TRMT11: variants seen among roughly 807,000 people sequenced by gnomAD.
TRMT11 encodes the protein tRNA (guanine(10)-N(2))-methyltransferase TRMT11.
In TRMT11, 53 loss-of-function variants were observed where a neutral mutation model predicts 62.8. That is an observed-to-expected ratio of 0.84 (90% CI 0.68 to 1.06). TRMT11 has a LOEUF of 1.06. Among genes scored for constraint, TRMT11 ranks in the 50% least tolerant of loss-of-function variants. The pLI is 0.00. For missense variants in TRMT11, 556 were observed against 553.4 expected, an observed-to-expected ratio of 1.00 and a Z score of -0.05; for synonymous variants, 188 against 190.3, an observed-to-expected ratio of 0.99 and a Z score of 0.10.
intron 17 of TRMT11, among the ~76,000 whole-genome samples, chr6:126,081,705 T>C (rs1307572790): frequency 6.6e-6 from 1 of 152,148 alleles, no homozygotes; most frequent in African/African-American, 2.4e-5. Context: ...TCCCACCTAT[T>C]TACTGAGTTA....
chr6:126,203,685 G>C (rs1452418037), downstream of TRMT11, among the ~76,000 whole-genome samples: 1 of 152,078 alleles, frequency 6.6e-6, no homozygotes, highest in African/African-American at 2.4e-5. Context: ...TGTTATTTGT[G>C]ATAGTCAAAA....
chr6:126,231,022 C>A, the TRMT11 span, among the ~76,000 whole-genome samples: 199 of 152,254 alleles, frequency 1.3e-3, 1 homozygote, highest in African/African-American at 4.6e-3. Flanking sequence ...TTCTACATGA[C>A]TATGTGATCT....
chr6:126,028,577 A>G (rs1056317807), intron 12 of TRMT11, among the ~76,000 whole-genome samples: 9 of 152,126 alleles, frequency 5.9e-5, no homozygotes, highest in Non-Finnish European at 1.3e-4. Flanking sequence ...CATTTGGTCT[A>G]CTTAGTTCCA....
chr6:126,239,690 A>T, the TRMT11 span, among the ~76,000 whole-genome samples: 2 of 151,936 alleles, frequency 1.3e-5, no homozygotes, highest in Non-Finnish European at 2.9e-5. Context: ...TGTGTCTTGG[A>T]GTTGCTCTTC....
chr6:126,172,345 T>C (rs1225734292), upstream of TRMT11, among the ~76,000 whole-genome samples: 1 of 152,188 alleles, frequency 6.6e-6, no homozygotes, highest in Non-Finnish European at 1.5e-5. Context: ...CAAGAAGTTA[T>C]GTGAGCAGAG....
chr6:126,151,910 T>C lies in TRMT11; in HGVS notation c.*1824-22915T>C, dbSNP rs916554296. Among the ~76,000 whole-genome samples the C allele has an allele frequency of 3.5e-3, 268 of 76,824 alleles. 1 individual carries two copies. Among genetic ancestry groups the C allele is most frequent in the African/African-American group, 5.4e-3 (81 of 15,092 alleles). 50.4% of individuals were successfully genotyped at this position (76,824 alleles called of 152,430 possible). On this transcript the variant is annotated intron_variant and NMD_transcript_variant, in intron 21 of 22. Transcript: ENST00000648977. The stretch of plus-strand genomic sequence containing the variant: ...CTTGTCTTTTTCTTTCTTTTCTCTT[T>C]CTTTCTTTCTTTCTTTCTTTCTTTC...
At chr6:126,119,892 A>G (rs1210851282) in intron 21 of TRMT11, among the ~76,000 whole-genome samples, 1 of 152,142 alleles carries the variant, frequency 6.6e-6, no homozygotes, top group Admixed American at 6.5e-5. Context: ...TCACTGGGAC[A>G]TTATTTAAAA....
chr6:126,185,948 A>G (rs1373560051), intron 1 of TRMT11, among the ~76,000 whole-genome samples: 1 of 152,102 alleles, frequency 6.6e-6, no homozygotes, highest in Non-Finnish European at 1.5e-5. Context: ...TGATCCAATC[A>G]TTTCCTGCCA....
intron 17 of TRMT11, among the ~76,000 whole-genome samples, chr6:126,106,414 G>A (rs899456016): frequency 3.3e-5 from 5 of 152,158 alleles, no homozygotes; most frequent in Admixed American, 1.3e-4. Flanking sequence ...CAAAGTGCTA[G>A]GATTACAGGA....
chr6:126,194,511 A>G (rs1357409297), intron 1 of TRMT11, among the ~76,000 whole-genome samples: 1 of 152,156 alleles, frequency 6.6e-6, no homozygotes, highest in African/African-American at 2.4e-5. Context: ...ATACATTAAT[A>G]CAATCTTATT....
chr6:126,054,701 A>G lies in TRMT11; in HGVS notation c.*1437+1511A>G, dbSNP rs138419934. On this transcript the variant is annotated intron_variant and NMD_transcript_variant, in intron 17 of 22. Coordinates refer to the TRMT11 transcript ENST00000648977. ...AAGACAAATGAGCTGTTGAAGTGTC[A>G]TGATTTTAAAATCTGGTGATATACA... Among the ~76,000 whole-genome samples the G allele has an allele frequency of 4.7e-3, 722 of 152,330 alleles. 3 individuals are homozygous for G. Among genetic ancestry groups the G allele is most frequent in the Non-Finnish European group, 6.3e-3 (430 of 68,020 alleles).
intron 17 of TRMT11, among the ~76,000 whole-genome samples, chr6:126,075,815 A>T (rs540212482): frequency 1.3e-5 from 2 of 152,260 alleles, no homozygotes; most frequent in Non-Finnish European, 2.9e-5. Context: ...TTGTCCATCC[A>T]TCTGGACCAT....
At chr6:126,057,431 A>T in intron 17 of TRMT11, among the ~76,000 whole-genome samples, 1 of 152,228 alleles carries the variant, frequency 6.6e-6, no homozygotes, top group East Asian at 1.9e-4. Context: ...TGATTGTATT[A>T]GCTGCCCTAT....
the TRMT11 span, among the ~76,000 whole-genome samples, chr6:126,262,477 A>G: frequency 2.6e-5 from 4 of 152,126 alleles, no homozygotes; most frequent in Non-Finnish European, 5.9e-5. Context: ...TGTGAATGTG[A>G]CAGAATGATC....
the TRMT11 span, among the ~76,000 whole-genome samples, chr6:126,237,902 C>T: frequency 6.6e-6 from 1 of 152,038 alleles, no homozygotes; most frequent in Non-Finnish European, 1.5e-5. Flanking sequence ...TGTTATTGGT[C>T]CATTCAGAGA....
intron 21 of TRMT11, among the ~76,000 whole-genome samples, chr6:126,120,995 A>G (rs889653794): frequency 6.6e-5 from 10 of 151,780 alleles, no homozygotes; most frequent in African/African-American, 2.4e-4. Context: ...TGCATCTTAA[A>G]CCTCTCCTAT....
At chr6:126,202,401 G>A (rs934652018), downstream of TRMT11, among the ~76,000 whole-genome samples, 2 of 152,172 alleles carry the variant, frequency 1.3e-5, no homozygotes, top group African/African-American at 4.8e-5. Flanking sequence ...AGGCTTGCAT[G>A]TGCCTCACAA....
At chr6:126,117,119 G>A (rs969093965) in intron 21 of TRMT11, among the ~76,000 whole-genome samples, 4 of 152,044 alleles carry the variant, frequency 2.6e-5, no homozygotes, top group Non-Finnish European at 5.9e-5. Context: ...GGTTACTTTT[G>A]TACATTTGCT....
At chr6:126,248,285 G>T in the TRMT11 span, among the ~76,000 whole-genome samples, 1 of 152,090 alleles carries the variant, frequency 6.6e-6, no homozygotes, top group African/African-American at 2.4e-5. Context: ...TTAATATATT[G>T]TGTATTGTGA....
Sources: allele counts gnomAD v4.1 joint callset (sites outside exome capture counted in the v4.1 genomes callset), GRCh38; gene constraint gnomAD v4.1.1; transcripts MANE v1.5; gene names NCBI Gene and HGNC (gene_info 2026-07-23, HGNC 2026-07-21).